Variants in M1AP observed in about 807,000 individuals in gnomAD.
M1AP encodes the protein meiosis 1 arrest protein.
In M1AP, 39 loss-of-function variants were observed where a neutral mutation model predicts 51.2. That is an observed-to-expected ratio of 0.76 (90% CI 0.59 to 1.00). The LOEUF (loss-of-function observed/expected upper bound fraction) is 1.00, where lower values mean the gene tolerates loss of function less well. Among genes scored for constraint, M1AP ranks in the 50% least tolerant of loss-of-function variants. M1AP has a pLI of 0.00. For missense variants in M1AP, 545 were observed against 641.2 expected (o/e 0.85, Z 1.62); for synonymous variants, 251 against 249.2 (o/e 1.01, Z -0.07).
At chr2:74,576,024 A>T (rs1035524612) in intron 6 of M1AP, among the ~76,000 whole-genome samples, 1 of 152,118 alleles carries the variant, frequency 6.6e-6, no homozygotes, top group African/African-American at 2.4e-5. Flanking sequence ...TAGTCTGCTA[A>T]TTCTATCCTA....
chr2:74,566,693 G>A (rs1433635991), intron 7 of M1AP, among the ~76,000 whole-genome samples: 3 of 121,634 alleles, frequency 2.5e-5, no homozygotes, highest in Admixed American at 1.2e-4. Flanking sequence ...TTCTGTTCTC[G>A]AATGGCTCCT....
intron 2 of M1AP, among the ~76,000 whole-genome samples, chr2:74,632,595 T>C (rs146953485): frequency 2.6e-5 from 4 of 152,176 alleles, no homozygotes; most frequent in Non-Finnish European, 5.9e-5. Flanking sequence ...AGTGAAACTA[T>C]CCCCATGTCT....
chr2:74,582,316 C>T lies in M1AP; in HGVS notation c.596-469G>A, dbSNP rs191084326. ...CCTAGAGACATTCTTGAGCAGTACACAAAGGCATATGCAAAGATGTTTGGT... is the reference window on the plus strand; with the variant it reads ...CCTAGAGACATTCTTGAGCAGTACATAAAGGCATATGCAAAGATGTTTGGT... On this transcript the variant is annotated intron_variant, in intron 4 of 10. Transcript: ENST00000421985. 2.3e-3 allele frequency among the ~76,000 whole-genome samples: 348 copies of T among 152,256 alleles called. 1 individual carries two copies. Among genetic ancestry groups the T allele is most frequent in the African/African-American group, 8.1e-3 (338 of 41,550 alleles).
Position 74,634,700 on chromosome 2 carries a change from G to A in M1AP, c.240+5336C>T, listed in dbSNP as rs1260701186. On this transcript the variant is annotated intron_variant, in intron 2 of 10. Coordinates refer to ENST00000421985, the MANE Select transcript of M1AP (RefSeq NM_001321739.2). ...TGGCATTAGCTGTAGGTTTTATCAT[G>A]AGTGGACGTTGAACTTTGTCAAATG... 2.0e-5 allele frequency among the ~76,000 whole-genome samples: 3 copies of A among 152,148 alleles called. No homozygotes were observed. In the East Asian group the frequency reaches 5.8e-4, roughly 29 times the overall value.
intron 3 of M1AP, among the ~76,000 whole-genome samples, chr2:74,609,905 G>A (rs897101334): frequency 6.6e-6 from 1 of 152,024 alleles, no homozygotes; most frequent in Non-Finnish European, 1.5e-5. Flanking sequence ...TTTCCCTGTT[G>A]AGTTGTTTGA....
intron 2 of M1AP, among the ~76,000 whole-genome samples, chr2:74,617,442 G>T (rs1681731028): frequency 1.3e-5 from 2 of 152,168 alleles, no homozygotes; most frequent in South Asian, 4.1e-4. Flanking sequence ...ACCAAATACT[G>T]CATGTTCTGA....
intron 1 of M1AP, among the ~76,000 whole-genome samples, chr2:74,644,537 CAAA>C (rs60145444): frequency 3.6e-5 from 3 of 82,990 alleles, no homozygotes; most frequent in African/African-American, 4.2e-5. Context: ...GACCCCGTCT[CAAA>C]AAAAAAAAAA....
intron 5 of M1AP, among the ~76,000 whole-genome samples, chr2:74,578,034 A>T (rs1679181002): frequency 6.6e-6 from 1 of 152,184 alleles, no homozygotes; most frequent in South Asian, 2.1e-4. Flanking sequence ...TGTGTAGTTC[A>T]CAATAGGGTT....
chr2:74,644,411 G>A (rs1451546353), intron 1 of M1AP, among the ~76,000 whole-genome samples: 2 of 151,962 alleles, frequency 1.3e-5, no homozygotes, highest in African/African-American at 4.8e-5. Flanking sequence ...GGTAGCACGC[G>A]CTTGTAATCC....
At chr2:74,641,835 A>C (rs140232090) in intron 1 of M1AP, among the ~76,000 whole-genome samples, 45 of 145,258 alleles carry the variant, frequency 3.1e-4, no homozygotes, top group Admixed American at 8.3e-4. Flanking sequence ...AACAGGATAC[A>C]CTCCTCAACT....
At chr2:74,618,970 A>G in intron 2 of M1AP, 1 of 534,780 alleles carries the variant, frequency 1.9e-6, no homozygotes, top group South Asian at 1.4e-5. Context: ...CTTCATCTAT[A>G]GCAGAACCAT....
chr2:74,587,318 C>G lies in M1AP; in HGVS notation c.596-5471G>C, dbSNP rs373320656. 1.7e-4 allele frequency among the ~76,000 whole-genome samples: 26 copies of G among 152,138 alleles called. 1 individual carries two copies. In the East Asian group the frequency reaches 3.7e-3, roughly 22 times the overall value. On this transcript the variant is annotated intron_variant, in intron 4 of 10. Coordinates refer to ENST00000421985, the MANE Select transcript of M1AP (RefSeq NM_001321739.2). ...GGTTCACGCCATTCTCCTGCCTCAG[C>G]CTCCCGAGTAGCTGGGACTACAGGC...
intron 2 of M1AP, among the ~76,000 whole-genome samples, chr2:74,626,256 A>ATT (rs1485849068): frequency 0.016 from 2,250 of 136,430 alleles, 89 homozygotes; most frequent in African/African-American, 0.062. Context: ...GCTATATTTC[A>ATT]GTTTTTTTTT....
intron 5 of M1AP, among the ~76,000 whole-genome samples, chr2:74,577,948 G>GA (rs1312192292): frequency 6.6e-6 from 1 of 152,206 alleles, no homozygotes; most frequent in Non-Finnish European, 1.5e-5. Context: ...GGTGGTGGGG[G>GA]ATGGTACTGT....
chr2:74,612,166 C>T (rs989191327), intron 3 of M1AP, among the ~76,000 whole-genome samples: 1 of 151,856 alleles, frequency 6.6e-6, no homozygotes, highest in East Asian at 1.9e-4. Flanking sequence ...GCTGGGATTA[C>T]AGGTGTGAGC....
chr2:74,577,626 AAGACCTAGACATT>A (rs1679156047), intron 5 of M1AP, among the ~76,000 whole-genome samples: 2 of 152,242 alleles, frequency 1.3e-5, no homozygotes. Flanking sequence ...CCCTGTGAAT[AAGACCTAGACATT>A]AGGTCTTATC....
intron 3 of M1AP, among the ~76,000 whole-genome samples, chr2:74,609,196 C>T (rs1681186821): frequency 6.6e-6 from 1 of 152,138 alleles, no homozygotes; most frequent in African/African-American, 2.4e-5. Context: ...ATTGGCCAAC[C>T]TCTCCTCATG....
At chr2:74,625,769 C>T (rs780998283) in intron 2 of M1AP, among the ~76,000 whole-genome samples, 2 of 152,178 alleles carry the variant, frequency 1.3e-5, no homozygotes, top group Non-Finnish European at 2.9e-5. Flanking sequence ...CCTGCCTGGC[C>T]TAGTAATCGC....
rs574157016 is a variant in M1AP at position 74,560,299 on chromosome 2, A to G, written c.1282-8T>C. 1 of 1,583,894 alleles carries G rather than the reference A, an allele frequency of 6.3e-7. No homozygotes were observed. The highest frequency in any genetic ancestry group is 1.4e-5 in the African/African-American group (1 of 73,758). On this transcript the variant is annotated splice_region_variant and splice_polypyrimidine_tract_variant and intron_variant, in intron 8 of 10. Coordinates refer to ENST00000421985, the MANE Select transcript of M1AP (RefSeq NM_001321739.2). ...CAGGCTGTCCAGCATGCTCTGAGGA[A>G]AAGAGAGGAGGGGCCTCACTAGGGA...
Sources: gnomAD v4.1 joint callset for allele counts (sites outside exome capture counted in the v4.1 genomes callset) on GRCh38, gnomAD v4.1.1 for gene constraint, MANE v1.5 for transcripts, NCBI Gene and HGNC (gene_info 2026-07-23, HGNC 2026-07-21) for gene names.